Variants in MON2 observed in about 807,000 individuals in gnomAD.
The protein encoded by MON2 is protein MON2 homolog.
MON2 carries 84 observed loss-of-function variants against 208.6 expected under a neutral mutation model. That is an observed-to-expected ratio of 0.40 (90% CI 0.34 to 0.48). MON2 has a LOEUF of 0.48. Among genes scored for constraint, MON2 ranks in the 20% least tolerant of loss-of-function variants. The pLI, the probability that MON2 is intolerant of heterozygous loss-of-function variation, is 0.59. For missense variants in MON2, 1,611 were observed against 2,015.4 expected, an observed-to-expected ratio of 0.80 and a Z score of 3.84; for synonymous variants, 660 against 694.0, an observed-to-expected ratio of 0.95 and a Z score of 0.77.
intron 25 of MON2, chr12:62,560,188 T>C (rs907414762): frequency 9.1e-5 from 21 of 229,696 alleles, no homozygotes; most frequent in African/African-American, 4.9e-4. Context: ...TGGTGAAGTC[T>C]GAGATTTTAG....
intron 1 of MON2, among the ~76,000 whole-genome samples, chr12:62,479,854 C>CA (rs2069308407): frequency 6.6e-6 from 1 of 152,066 alleles, no homozygotes; most frequent in Non-Finnish European, 1.5e-5. Context: ...AGGTTCCCTG[C>CA]AGATATACGT....
rs573753016 is a variant in MON2, at chr12:62,595,695, T to C, written c.*2946T>C. On this transcript the variant is annotated 3_prime_UTR_variant, in exon 35 of 35. Transcript: ENST00000393630. Reference sequence around the variant, plus strand: ...TTTTGTAATGTCTTTAGTATTTCTTTATAACTAGTGTTAAGGTTTTGTTAA... The same window carrying C: ...TTTTGTAATGTCTTTAGTATTTCTTCATAACTAGTGTTAAGGTTTTGTTAA... The C allele has an allele frequency of 5.2e-5, 8 of 152,386 alleles. No homozygotes were observed. The East Asian group carries it at 1.3e-3, about 26-fold the overall frequency. 9.4% of individuals were successfully genotyped at this position (152,386 alleles called of 1,614,324 possible). A position where few individuals can be genotyped will look rare whatever the true frequency, so the allele number is the denominator to read the frequency against.
intron 33 of MON2, chr12:62,585,721 T>C (rs2075201569): frequency 2.6e-6 from 1 of 380,878 alleles, no homozygotes; most frequent in African/African-American, 2.0e-5. Flanking sequence ...TCATGGAGAT[T>C]ATGTAACATA....
rs2072234187 is a variant in MON2 at position 62,524,502 on chromosome 12, C to A, written c.985-13C>A. The A allele has an allele frequency of 1.3e-6, 2 of 1,583,738 alleles. No homozygotes were observed. The highest frequency in any genetic ancestry group is 1.7e-6 in the Non-Finnish European group (2 of 1,154,110). On this transcript the variant is annotated splice_polypyrimidine_tract_variant and intron_variant, in intron 8 of 34. Transcript: ENST00000393630. ...GATTCAAAGAAATAGTATTAAAAATCATATATTTTTAGGTAACTGAATGTG... is the reference window on the plus strand; with the variant it reads ...GATTCAAAGAAATAGTATTAAAAATAATATATTTTTAGGTAACTGAATGTG...
At chr12:62,562,218 G>T (rs2074223934) in intron 26 of MON2, among the ~76,000 whole-genome samples, 1 of 151,878 alleles carries the variant, frequency 6.6e-6, no homozygotes, top group Non-Finnish European at 1.5e-5. Context: ...TAAGACATAG[G>T]CCCTTTGAGA....
At chr12:62,576,535 CTT>C (rs2074792684) in intron 30 of MON2, among the ~76,000 whole-genome samples, 1 of 151,886 alleles carries the variant, frequency 6.6e-6, no homozygotes, top group Admixed American at 6.6e-5. Context: ...ACAAATAACA[CTT>C]TATAAGTTTG....
intron 32 of MON2, among the ~76,000 whole-genome samples, chr12:62,581,653 C>T (rs1234085190): frequency 2.0e-5 from 3 of 151,954 alleles, no homozygotes; most frequent in Admixed American, 1.3e-4. Context: ...CTGGCCAACA[C>T]GGTGAAACCC....
At chr12:62,564,779 A>C (rs1335063208) in intron 26 of MON2, among the ~76,000 whole-genome samples, 1 of 152,146 alleles carries the variant, frequency 6.6e-6, no homozygotes, top group African/African-American at 2.4e-5. Context: ...TTATTTTCCC[A>C]ACTGTAACAC....
Position 62,467,317 on chromosome 12 carries a change from A to T in MON2, c.110A>T (p.Glu37Val), listed in dbSNP as rs2135926289. The T allele has an allele frequency of 6.2e-7, 1 of 1,613,838 alleles. No individual in the cohort carries two copies. Among genetic ancestry groups the T allele is most frequent in the East Asian group, 2.2e-5 (1 of 44,874 alleles). ...ECKKKFPPVK[E>V]AAESGIIKVK... Reference sequence around the variant, plus strand: ...AAGAAGAAATTCCCACCTGTCAAAGAGGTAAGCTTCAGGTGACGTCAGGAG... The same window carrying T: ...AAGAAGAAATTCCCACCTGTCAAAGTGGTAAGCTTCAGGTGACGTCAGGAG... Residue 37 changes from glutamate (E) to valine (V), a missense_variant and splice_region_variant, in exon 1 of 35, where the codon GAG becomes GTG. Transcript: ENST00000393630.
chr12:62,474,829 A>G (rs1343053509), intron 1 of MON2, among the ~76,000 whole-genome samples: 1 of 152,112 alleles, frequency 6.6e-6, no homozygotes, highest in East Asian at 1.9e-4. Context: ...TACTTTAGTC[A>G]TATTTGGCTA....
intron 8 of MON2, among the ~76,000 whole-genome samples, chr12:62,509,728 T>C (rs1460304326): frequency 1.3e-5 from 2 of 151,668 alleles, no homozygotes; most frequent in African/African-American, 4.8e-5. Context: ...CAGCCAGAAA[T>C]CAATAGTGGA....
intron 32 of MON2, among the ~76,000 whole-genome samples, chr12:62,580,676 A>T (rs1452965057): frequency 5.9e-5 from 9 of 152,166 alleles, no homozygotes; most frequent in African/African-American, 2.2e-4. Flanking sequence ...CACTGAACTA[A>T]ATTTTTTAAA....
At chr12:62,563,482 A>C (rs1351735790) in intron 26 of MON2, among the ~76,000 whole-genome samples, 2 of 152,160 alleles carry the variant, frequency 1.3e-5, no homozygotes, top group Non-Finnish European at 2.9e-5. Context: ...GACAGCTTTC[A>C]AGGACTAATA....
At chr12:62,470,738 G>C in intron 1 of MON2, 2 of 1,148,956 alleles carry the variant, frequency 1.7e-6, no homozygotes, top group Non-Finnish European at 2.2e-6. Flanking sequence ...CTGGAAGTTG[G>C]AGGAGGGGAG....
In MON2 at chr12:62,518,232, A is replaced by T. The variant is rs1246796249; in HGVS notation, c.985-6283A>T. On this transcript the variant is annotated intron_variant, in intron 8 of 34. Coordinates refer to ENST00000393630, the MANE Select transcript of MON2 (RefSeq NM_015026.3). ...TTCCTCCGAAAGACTCCACCTTCAA[A>T]TATCATCCCACTGGGGAATAGGCTT... 4.6e-5 allele frequency among the ~76,000 whole-genome samples: 7 copies of T among 152,228 alleles called. No homozygotes were observed. In the East Asian group the frequency reaches 1.3e-3, roughly 29 times the overall value.
chr12:62,546,136 A>G (rs1258851664), intron 21 of MON2, among the ~76,000 whole-genome samples: 1 of 152,128 alleles, frequency 6.6e-6, no homozygotes, highest in African/African-American at 2.4e-5. Flanking sequence ...TTCATTTTTT[A>G]TAAGTATTAT....
chr12:62,483,280 G>A (rs1350568461), intron 1 of MON2, among the ~76,000 whole-genome samples: 1 of 152,068 alleles, frequency 6.6e-6, no homozygotes, highest in Non-Finnish European at 1.5e-5. Context: ...CTACCAAATT[G>A]GACAGTGCAG....
chr12:62,577,490 TA>T (rs2074836797), intron 30 of MON2, among the ~76,000 whole-genome samples: 1 of 152,138 alleles, frequency 6.6e-6, no homozygotes, highest in South Asian at 2.1e-4. Context: ...TTATACTTAA[TA>T]TACAGAAGTG....
At chr12:62,488,203 C>A (rs1453590940) in intron 2 of MON2, among the ~76,000 whole-genome samples, 3 of 152,072 alleles carry the variant, frequency 2.0e-5, no homozygotes, top group African/African-American at 7.2e-5. Flanking sequence ...GAGACTGACC[C>A]TCAGCATAGA....
Sources: allele counts gnomAD v4.1 joint callset (sites outside exome capture counted in the v4.1 genomes callset), GRCh38; gene constraint gnomAD v4.1.1; transcripts MANE v1.5; gene names NCBI Gene and HGNC (gene_info 2026-07-23, HGNC 2026-07-21).